Variants in TMEM108 observed in about 807,000 individuals in gnomAD.
The protein encoded by TMEM108 is transmembrane protein 108, also known as cancer/testis antigen 124.
A neutral mutation model predicts 35.1 loss-of-function variants in TMEM108; 12 were observed. That is an observed-to-expected ratio of 0.34 (90% confidence interval 0.22 to 0.55). The LOEUF (loss-of-function observed/expected upper bound fraction) is 0.55, where lower values mean the gene tolerates loss of function less well. TMEM108 is among the 20% of genes least tolerant of loss of function. The probability of loss-of-function intolerance (pLI) is 0.89; values close to 1 mark genes in which losing one functional copy is unlikely to be tolerated. For synonymous variants in TMEM108, 287 were observed against 308.6 expected (o/e 0.93, Z 0.73); for missense variants, 680 against 753.3 (o/e 0.90, Z 1.14).
intron 2 of TMEM108, among the ~76,000 whole-genome samples, chr3:133,177,253 C>T (rs1280148082): frequency 6.6e-6 from 1 of 152,182 alleles, no homozygotes; most frequent in Non-Finnish European, 1.5e-5. Flanking sequence ...GGAGCTGGTA[C>T]CATTCCTTCT....
chr3:133,289,734 A>C (rs1054989988), intron 3 of TMEM108, among the ~76,000 whole-genome samples: 2 of 152,198 alleles, frequency 1.3e-5, no homozygotes, highest in African/African-American at 4.8e-5. Context: ...CTTTATATGT[A>C]ATTTTTTTCA....
chr3:133,199,726 G>C (rs1047246329), intron 2 of TMEM108, among the ~76,000 whole-genome samples: 1 of 152,088 alleles, frequency 6.6e-6, no homozygotes, highest in African/African-American at 2.4e-5. Context: ...TACCCCACTT[G>C]AGGAGGCAGT....
intron 2 of TMEM108, among the ~76,000 whole-genome samples, chr3:133,123,247 A>G (rs1237416156): frequency 1.3e-5 from 2 of 152,204 alleles, no homozygotes; most frequent in Admixed American, 1.3e-4. Flanking sequence ...CTGTTTATCA[A>G]CATTTACGTT....
chr3:133,172,988 G>A (rs1945153201), intron 2 of TMEM108, among the ~76,000 whole-genome samples: 1 of 152,138 alleles, frequency 6.6e-6, no homozygotes, highest in South Asian at 2.1e-4. Flanking sequence ...CACCATGATT[G>A]TGAGGCCTCC....
intron 2 of TMEM108, among the ~76,000 whole-genome samples, chr3:133,097,665 G>A (rs79481627): frequency 0.014 from 2,162 of 152,282 alleles, 37 homozygotes; most frequent in African/African-American, 0.048. Context: ...CTGTCTGAAT[G>A]TTAGACTTTC....
intron 3 of TMEM108, among the ~76,000 whole-genome samples, chr3:133,299,168 C>T (rs1947185041): frequency 6.6e-6 from 1 of 152,206 alleles, no homozygotes; most frequent in South Asian, 2.1e-4. Flanking sequence ...TGATACCTTG[C>T]AGCCAGCTAG....
chr3:133,394,749 G>GAA (rs2073281367), intron 5 of TMEM108, among the ~76,000 whole-genome samples: 1 of 152,214 alleles, frequency 6.6e-6, no homozygotes, highest in African/African-American at 2.4e-5. Flanking sequence ...GACACTGAAG[G>GAA]AAATTCTTGT....
In TMEM108 at chr3:133,253,081, T is replaced by G. The variant is rs1946494413; in HGVS notation, c.40+23730T>G. ...GTTACATGCAAATACAATGGCATTTTATTGCAAGGAACTTGAGCATCTGTG... is the reference window on the plus strand; with the variant it reads ...GTTACATGCAAATACAATGGCATTTGATTGCAAGGAACTTGAGCATCTGTG... On this transcript the variant is annotated intron_variant, in intron 3 of 5. Transcript: ENST00000321871. Among the ~76,000 whole-genome samples the G allele has an allele frequency of 1.3e-5, 2 of 152,192 alleles. 1 individual carries two copies. The highest frequency in any genetic ancestry group is 2.9e-5 in the Non-Finnish European group (2 of 68,016).
intron 3 of TMEM108, among the ~76,000 whole-genome samples, chr3:133,329,230 T>C (rs1442401946): frequency 6.6e-6 from 1 of 151,884 alleles, no homozygotes; most frequent in Non-Finnish European, 1.5e-5. Flanking sequence ...GGAAGGGGAG[T>C]GTCTGCTTTA....
intron 2 of TMEM108, among the ~76,000 whole-genome samples, chr3:133,193,938 CTT>C (rs34225124): frequency 6.4e-5 from 9 of 139,598 alleles, no homozygotes; most frequent in Non-Finnish European, 7.8e-5. Context: ...AACATTGATT[CTT>C]TTTTTTTTTT....
chr3:133,133,669 T>TCTTTTTTTTTC (rs1325114533), intron 2 of TMEM108, among the ~76,000 whole-genome samples: 1 of 151,914 alleles, frequency 6.6e-6, no homozygotes, highest in African/African-American at 2.4e-5. Context: ...GGCAGAGTTT[T>TCTTTTTTTTTC]CTTTTTTTTT....
In TMEM108 at chr3:133,380,131, C is replaced by T. The variant is rs1291403129; in HGVS notation, c.420C>T (p.Thr140=). ...GCCCTCGAGGGCAGGCTGCCCCCACCATCCTGCTGACAAAGCCACCGGGGG... is the reference window on the plus strand; with the variant it reads ...GCCCTCGAGGGCAGGCTGCCCCCACTATCCTGCTGACAAAGCCACCGGGGG... ...EGRPRGQAAP[T]ILLTKPPGAT... is the part of the protein sequence containing the mutation. Residue 140 remains threonine, a synonymous_variant, in exon 4 of 6, where the codon ACC becomes ACT. Coordinates refer to ENST00000321871, the MANE Select transcript of TMEM108 (RefSeq NM_023943.4). The surrounding 1 kb of genome is among the most constrained non-coding windows in gnomAD (Gnocchi z 5.3). The T allele has an allele frequency of 6.2e-7, 1 of 1,613,844 alleles. No homozygotes were observed. Among genetic ancestry groups the T allele is most frequent in the South Asian group, 1.1e-5 (1 of 91,076 alleles).
At chr3:133,274,958 C>G (rs1490511107) in intron 3 of TMEM108, among the ~76,000 whole-genome samples, 1 of 152,170 alleles carries the variant, frequency 6.6e-6, no homozygotes, top group African/African-American at 2.4e-5. Context: ...AGAAATATCT[C>G]AAAACCATTG....
chr3:133,325,285 G>A (rs1041893724), intron 3 of TMEM108, among the ~76,000 whole-genome samples: 3 of 152,188 alleles, frequency 2.0e-5, no homozygotes, highest in African/African-American at 7.2e-5. Flanking sequence ...CTATGAGGGT[G>A]TAAAGGCATA....
chr3:133,109,058 C>T (rs984060345), intron 2 of TMEM108, among the ~76,000 whole-genome samples: 2 of 152,152 alleles, frequency 1.3e-5, no homozygotes, highest in South Asian at 4.2e-4. Flanking sequence ...TGCAGGTGAC[C>T]TCAGAGACTG....
intron 2 of TMEM108, among the ~76,000 whole-genome samples, chr3:133,083,701 T>C (rs1576309753): frequency 6.6e-6 from 1 of 152,214 alleles, no homozygotes; most frequent in South Asian, 2.1e-4. Context: ...CCAAAGACAA[T>C]GGTATTTCTG....
At chr3:133,192,858 T>C (rs924536582) in intron 2 of TMEM108, 1 of 152,180 alleles carries the variant, frequency 6.6e-6, no homozygotes, top group African/African-American at 2.4e-5. Flanking sequence ...GGAAACTTCA[T>C]ATACTAGTCA....
chr3:133,158,463 T>TC (rs1944912585), intron 2 of TMEM108, among the ~76,000 whole-genome samples: 2 of 88,328 alleles, frequency 2.3e-5, no homozygotes, highest in African/African-American at 4.1e-5. Flanking sequence ...TGAGACTCTG[T>TC]CTAAAAAAAA....
At chr3:133,152,902 A>G (rs2107769466) in intron 2 of TMEM108, among the ~76,000 whole-genome samples, 1 of 152,262 alleles carries the variant, frequency 6.6e-6, no homozygotes, top group Admixed American at 6.5e-5. Flanking sequence ...GGTGAGCAAA[A>G]TAGAGCTAAT....
Sources: gnomAD v4.1 joint callset for allele counts (sites outside exome capture counted in the v4.1 genomes callset) on GRCh38, gnomAD v4.1.1 for gene constraint, Gnocchi (gnomAD v3.1) non-coding constraint, MANE v1.5 for transcripts, NCBI Gene and HGNC (gene_info 2026-07-23, HGNC 2026-07-21) for gene names.